SCUBE2: variants seen among roughly 807,000 people sequenced by gnomAD.
SCUBE2 encodes the protein signal peptide, CUB and EGF-like domain-containing protein 2.
Under a neutral mutation model 125.9 loss-of-function variants are expected in SCUBE2, and 114 were observed. The ratio of observed to expected loss-of-function variants is 0.91; its 90% CI spans 0.78 to 1.06. The LOEUF is 1.06. Among genes scored for constraint, SCUBE2 ranks in the 50% least tolerant of loss-of-function variants. SCUBE2 has a pLI of 0.00. For missense variants in SCUBE2, 1,255 were observed against 1,301.8 expected (o/e 0.96, Z 0.55); for synonymous variants, 459 against 492.9 (o/e 0.93, Z 0.91).
At chr11:9,060,753 C>T (rs1409413868) in intron 7 of SCUBE2, among the ~76,000 whole-genome samples, 1 of 152,088 alleles carries the variant, frequency 6.6e-6, no homozygotes, top group Non-Finnish European at 1.5e-5. Context: ...AAGATGTCTC[C>T]CAATCTGCAG....
At chr11:9,074,388 G>A in intron 4 of SCUBE2, 93 bp downstream of exon 4, 6 of 1,491,762 alleles carry the variant, frequency 4.0e-6, no homozygotes, top group Non-Finnish European at 5.5e-6. Context: ...TCTATACCCT[G>A]TGCTTCCCCT....
chr11:9,069,581 C>A, intron 4 of SCUBE2, 86 bp from the exon 5 acceptor site: 1 of 1,557,770 alleles, frequency 6.4e-7, no homozygotes, highest in Non-Finnish European at 8.8e-7. Context: ...AAGGGGTGGC[C>A]CACAGATCTG....
At chr11:9,050,020 T>C (rs1191654373) in intron 14 of SCUBE2, 1 of 152,356 alleles carries the variant, frequency 6.6e-6, no homozygotes, top group East Asian at 1.9e-4. Context: ...TTATTTTTAA[T>C]TTCCAAAAGA....
intron 16 of SCUBE2, among the ~76,000 whole-genome samples, chr11:9,035,743 A>T (rs1856700512): frequency 6.6e-6 from 1 of 152,146 alleles, no homozygotes; most frequent in African/African-American, 2.4e-5. Context: ...GGATCATGGT[A>T]AGCAAAAAAT....
chr11:9,047,328 G>A (rs752976574), intron 16 of SCUBE2, 28 bp downstream of exon 16: 1 of 1,611,950 alleles, frequency 6.2e-7, no homozygotes, highest in Non-Finnish European at 8.5e-7. Context: ...AGGCTGTTCT[G>A]TTAGCAAGAA....
At chr11:9,050,344 T>A in intron 14 of SCUBE2, 1 of 384,144 alleles carries the variant, frequency 2.6e-6, no homozygotes, top group Non-Finnish European at 4.7e-6. Flanking sequence ...TTCTGTGAAC[T>A]CGTGGGTTTC....
intron 9 of SCUBE2, among the ~76,000 whole-genome samples, chr11:9,058,689 G>T (rs1859362755): frequency 6.6e-6 from 1 of 150,570 alleles, no homozygotes; most frequent in South Asian, 2.1e-4. Context: ...TCGGGAGGCT[G>T]AGGCAGGAGA....
chr11:9,057,223 T>C (rs1859175459), intron 9 of SCUBE2: 2 of 152,234 alleles, frequency 1.3e-5, no homozygotes, highest in South Asian at 4.1e-4. Flanking sequence ...AATTCCTTTT[T>C]AATGTGTTTA....
rs185822012 is a variant in SCUBE2, at chr11:9,043,981, C to T, written c.2002+3375G>A. Among the ~76,000 whole-genome samples the T allele has an allele frequency of 3.9e-3, 594 of 152,246 alleles. 4 individuals carry two copies. The highest frequency in any genetic ancestry group is 4.4e-3 in the Non-Finnish European group (296 of 68,018). ...TTTTAAATATGCAAGTTCTTTGAGTCGGCCATTGTACTTTTGCAAGTCTAT... is the reference window on the plus strand; with the variant it reads ...TTTTAAATATGCAAGTTCTTTGAGTTGGCCATTGTACTTTTGCAAGTCTAT... On this transcript the variant is annotated intron_variant, in intron 16 of 22. Transcript: ENST00000649792.
chr11:9,069,115 C>T (rs185053495), intron 5 of SCUBE2, among the ~76,000 whole-genome samples: 1 of 152,244 alleles, frequency 6.6e-6, no homozygotes, highest in Admixed American at 6.5e-5. Context: ...GAGAACTGCC[C>T]CCCAACATTC....
intron 14 of SCUBE2, among the ~76,000 whole-genome samples, chr11:9,048,308 T>C (rs1452777192): frequency 6.6e-6 from 1 of 152,256 alleles, no homozygotes; most frequent in African/African-American, 2.4e-5. Context: ...AACTTTACAA[T>C]TTAGCTCTTG....
chr11:9,026,632 G>C (rs982837804), intron 20 of SCUBE2: 1 of 151,724 alleles, frequency 6.6e-6, no homozygotes, highest in African/African-American at 2.4e-5. Context: ...AAAATGTATA[G>C]AGACAGGGTC....
At position 9,053,753 on chromosome 11, in the gene SCUBE2, T is replaced by A. The variant is rs748813924; in HGVS notation, c.1214A>T (p.Asn405Ile). ...LYGFTHCGDT[N>I]ECSINNGGCQ... is the part of the protein sequence containing the mutation. ...GCCTCCGTTGTTGATGCTGCACTCA[T>A]TGGTGTCTGTGGAACAAAATACTCT... Residue 405 changes from asparagine to isoleucine, a missense_variant, in exon 11 of 23, where the codon AAT becomes ATT. By Grantham distance (149) the Asn-to-Ile change is moderately radical (BLOSUM62 -3). Transcript: ENST00000649792. The A allele has an allele frequency of 1.2e-6, 2 of 1,612,950 alleles. No individual in the cohort carries two copies. The highest frequency in any genetic ancestry group is 1.7e-6 in the Non-Finnish European group (2 of 1,179,222).
At position 9,091,267 on chromosome 11, in the gene SCUBE2, AG is replaced by A; in HGVS notation, c.133+128del. 1.7e-6 allele frequency: 1 copy of A among 589,574 alleles called. No individual in the cohort carries two copies. Among genetic ancestry groups the A allele is most frequent in the Non-Finnish European group, 2.4e-6 (1 of 416,270 alleles). The allele number at this position is 589,574 out of a possible 1,614,324, so 36.5% of individuals were successfully genotyped here. A position where few individuals can be genotyped will look rare whatever the true frequency, so the allele number is the denominator to read the frequency against. On this transcript the variant is annotated intron_variant, in intron 1 of 22. Transcript: ENST00000649792. The surrounding 1 kb of genome is among the most constrained non-coding windows in gnomAD (Gnocchi z 8.5). ...GCGGGTGAGGTCCCGGGGGGAGCAG[AG>A]GCCCCCGCGGAGCTGCAGCCGCCAG... is the stretch of plus-strand genomic sequence containing the variant.
intron 3 of SCUBE2, among the ~76,000 whole-genome samples, chr11:9,075,766 G>C (rs1365421806): frequency 6.6e-6 from 1 of 152,254 alleles, no homozygotes; most frequent in African/African-American, 2.4e-5. Flanking sequence ...GCTAGCGCTA[G>C]TGGCGACAGC....
At chr11:9,047,113 C>A (rs1857858474) in intron 16 of SCUBE2, among the ~76,000 whole-genome samples, 1 of 112,620 alleles carries the variant, frequency 8.9e-6, no homozygotes, top group African/African-American at 3.4e-5. Flanking sequence ...CCACCACAAG[C>A]CAGATACTAT....
intron 5 of SCUBE2, among the ~76,000 whole-genome samples, chr11:9,068,915 A>G (rs971040351): frequency 6.6e-6 from 1 of 152,222 alleles, no homozygotes; most frequent in African/African-American, 2.4e-5. Context: ...GTGAGAGTCC[A>G]CCACGCCAGG....
intron 16 of SCUBE2, among the ~76,000 whole-genome samples, chr11:9,046,202 G>T (rs1857740459): frequency 1.3e-5 from 2 of 151,634 alleles, no homozygotes; most frequent in South Asian, 4.2e-4. Context: ...TAGAGGCGGG[G>T]TTTCACCATG....
At position 9,091,375 on chromosome 11, in the gene SCUBE2, C is replaced by T. The variant is rs746162967; in HGVS notation, c.133+21G>A. 115 of 1,300,480 alleles carry T rather than the reference C, an allele frequency of 8.8e-5. No homozygotes were observed. Among genetic ancestry groups the T allele is most frequent in the Non-Finnish European group, 1.1e-4 (109 of 1,029,420 alleles). 80.6% of individuals were successfully genotyped at this position (1,300,480 alleles called of 1,614,324 possible). ...GGCCCTGCCTGCTGTGCCAGGTGCG[C>T]CCCCGCGGCCGGACACTCACCCTCC... On this transcript the variant is annotated intron_variant, in intron 1 of 22. Coordinates refer to ENST00000649792, the MANE Select transcript of SCUBE2 (RefSeq NM_001367977.2). The surrounding 1 kb of genome is among the most constrained non-coding windows in gnomAD (Gnocchi z 8.5).
Sources: allele counts gnomAD v4.1 joint callset (sites outside exome capture counted in the v4.1 genomes callset), GRCh38; gene constraint gnomAD v4.1.1; non-coding constraint Gnocchi (gnomAD v3.1); transcripts MANE v1.5; gene names NCBI Gene and HGNC (gene_info 2026-07-23, HGNC 2026-07-21).